RSF1: variants seen among roughly 807,000 people sequenced by gnomAD.
RSF1 encodes HBV pX-associated protein 8.
A neutral mutation model predicts 145.2 loss-of-function variants in RSF1; 13 were observed. That is an observed-to-expected ratio of 0.09 (90% CI 0.06 to 0.14). RSF1 has a LOEUF of 0.14. Ranked by LOEUF, RSF1 falls within the 10% of genes least tolerant of loss-of-function variation. The pLI, the probability that RSF1 is intolerant of heterozygous loss-of-function variation, is 1.00. For synonymous variants in RSF1, 577 were observed against 592.6 expected, an observed-to-expected ratio of 0.97 and a Z score of 0.38; for missense variants, 1,517 against 1,718.2, an observed-to-expected ratio of 0.88 and a Z score of 2.07.
chr11:77,776,682 CTTAT>C (rs1218990511), intron 1 of RSF1, among the ~76,000 whole-genome samples: 2 of 152,092 alleles, frequency 1.3e-5, no homozygotes, highest in Admixed American at 1.3e-4. Context: ...ATTCTGACAC[CTTAT>C]TTGAGGGCTA....
In RSF1 at chr11:77,745,635, A is replaced by G. The variant is rs188073893; in HGVS notation, c.372+1401T>C. Among the ~76,000 whole-genome samples the G allele has an allele frequency of 7.9e-5, 12 of 151,682 alleles. No homozygotes were observed. In the Admixed American group the frequency reaches 7.9e-4, roughly 10 times the overall value. The stretch of plus-strand genomic sequence containing the variant: ...ATCTATTTTTGAAAGCCTGAGACAT[A>G]TGCAGTTTTCAAGGAAGGTAGATTT... On this transcript the variant is annotated intron_variant, in intron 3 of 15. Coordinates refer to ENST00000308488, the MANE Select transcript of RSF1 (RefSeq NM_016578.4).
At chr11:77,760,457 A>C (rs1157183853) in intron 2 of RSF1, among the ~76,000 whole-genome samples, 1 of 152,218 alleles carries the variant, frequency 6.6e-6, no homozygotes, top group Non-Finnish European at 1.5e-5. Flanking sequence ...CTTCTTACTG[A>C]GATGTTAGAA....
chr11:77,667,045 C>T lies in RSF1; in HGVS notation c.4198G>A (p.Ala1400Thr), dbSNP rs1364028793. 6.2e-7 allele frequency: 1 copy of T among 1,614,056 alleles called. No homozygotes were observed. Among genetic ancestry groups the T allele is most frequent in the Non-Finnish European group, 8.5e-7 (1 of 1,179,888 alleles). Residue 1400 changes from alanine to threonine, a missense_variant, in exon 16 of 16, where the codon GCC becomes ACC. Around this residue, in one of 12 missense-constraint regions of RSF1, gnomAD observed 240 missense variants for 231.8 expected, o/e 1.04. Coordinates refer to ENST00000308488, the MANE Select transcript of RSF1 (RefSeq NM_016578.4). ...CCATTGGAGGCTAGGCTTGCACTGGCTGTGCTGTTGTCCTTGGGGGTCTGA... is the reference window on the plus strand; with the variant it reads ...CCATTGGAGGCTAGGCTTGCACTGGTTGTGCTGTTGTCCTTGGGGGTCTGA... ...KSQTPKDNST[A>T]SASLASNGTS...
intron 5 of RSF1, among the ~76,000 whole-genome samples, chr11:77,706,054 C>T (rs1565155010): frequency 6.6e-6 from 1 of 151,974 alleles, no homozygotes; most frequent in East Asian, 1.9e-4. Context: ...TCACAAAGGT[C>T]AACACGGTGA....
chr11:77,833,005 A>ATTT, the RSF1 span, among the ~76,000 whole-genome samples: 86 of 65,746 alleles, frequency 1.3e-3, 11 homozygotes, highest in African/African-American at 5.8e-3. Flanking sequence ...GTGTATATAT[A>ATTT]TATATTTTTT....
chr11:77,719,716 A>G (rs1960900896), intron 5 of RSF1, among the ~76,000 whole-genome samples: 1 of 152,262 alleles, frequency 6.6e-6, no homozygotes. Context: ...GTGAACAGAT[A>G]AATAAAATGT....
In RSF1 at chr11:77,666,383, G is replaced by A. The variant is rs901739506; in HGVS notation, c.*534C>T. ...CATTTCACAAAGGCTGTTACTAAAT[G>A]ACTTATGTATGATGTTATCTACAAT... On this transcript the variant is annotated 3_prime_UTR_variant, in exon 16 of 16. Coordinates refer to ENST00000308488, the MANE Select transcript of RSF1 (RefSeq NM_016578.4). The A allele has an allele frequency of 6.6e-6, 1 of 152,462 alleles. No individual in the cohort carries two copies. Among genetic ancestry groups the A allele is most frequent in the Non-Finnish European group, 1.5e-5 (1 of 68,014 alleles). 9.4% of individuals were successfully genotyped at this position (152,462 alleles called of 1,614,324 possible).
intron 1 of RSF1, among the ~76,000 whole-genome samples, chr11:77,803,335 A>T (rs889510319): frequency 1.3e-5 from 2 of 151,648 alleles, no homozygotes; most frequent in African/African-American, 4.8e-5. Context: ...TTTTGTAGAG[A>T]CAGGTTTCAA....
Position 77,672,004 on chromosome 11 carries a change from CT to C in RSF1, c.3751+37del, listed in dbSNP as rs780776683. The C allele has an allele frequency of 3.3e-6, 5 of 1,526,188 alleles. No homozygotes were observed. In the African/African-American group the frequency reaches 7.0e-5, roughly 21 times the overall value. The allele number at this position is 1,526,188 out of a possible 1,614,324, so 94.5% of individuals were successfully genotyped here. ...TTCACTTTATAATGTCTATTTTGCC[CT>C]GTCCAAACTTCTATATATAGGAGAC... On this transcript the variant is annotated intron_variant, in intron 15 of 15. Coordinates refer to ENST00000308488, the MANE Select transcript of RSF1 (RefSeq NM_016578.4).
chr11:77,721,041 CTGAGT>C (rs1233241566), intron 5 of RSF1, among the ~76,000 whole-genome samples: 23 of 151,786 alleles, frequency 1.5e-4, no homozygotes, highest in Admixed American at 9.8e-4. Context: ...ACTTATCTTA[CTGAGT>C]TAAGATACAA....
intron 1 of RSF1, among the ~76,000 whole-genome samples, chr11:77,788,184 G>GAA (rs1320936448): frequency 1.4e-5 from 1 of 69,104 alleles, no homozygotes; most frequent in Non-Finnish European, 3.4e-5. Flanking sequence ...AAAATTAGGG[G>GAA]TAAAAAAAAA....
intron 1 of RSF1, among the ~76,000 whole-genome samples, chr11:77,791,389 G>A (rs936169209): frequency 8.5e-5 from 13 of 152,108 alleles, no homozygotes; most frequent in Non-Finnish European, 1.6e-4. Flanking sequence ...ATGGGATGCC[G>A]TGAAGACCTC....
At chr11:77,749,117 A>C (rs1948033461) in intron 2 of RSF1, among the ~76,000 whole-genome samples, 1 of 152,254 alleles carries the variant, frequency 6.6e-6, no homozygotes, top group African/African-American at 2.4e-5. Context: ...ATCCATACAG[A>C]TAAAAGTAGA....
In RSF1 at chr11:77,701,495, G is replaced by A; in HGVS notation, c.1734C>T (p.Arg578=). The A allele has an allele frequency of 6.2e-7, 1 of 1,613,946 alleles. No homozygotes were observed. The highest frequency in any genetic ancestry group is 8.5e-7 in the Non-Finnish European group (1 of 1,179,974). The change falls in exon 6 of 16, where the codon CGC becomes CGT. Residue 578 remains arginine (R), a synonymous_variant. Coordinates refer to ENST00000308488, the MANE Select transcript of RSF1 (RefSeq NM_016578.4). Reference sequence around the variant, plus strand: ...TTTCAAGACATTCTAGGATTGGTGGGCGCTTATCCTTCTTAGTTTTGGGAG... The same window carrying A: ...TTTCAAGACATTCTAGGATTGGTGGACGCTTATCCTTCTTAGTTTTGGGAG... The part of the protein sequence containing the change: ...EKSPKTKKDK[R]PPILECLEKL...
upstream of RSF1, among the ~76,000 whole-genome samples, chr11:77,825,056 C>T (rs1949105406): frequency 2.0e-5 from 3 of 152,206 alleles, no homozygotes; most frequent in Admixed American, 6.5e-5. Context: ...TCTCAGCTCA[C>T]TGCATGCTCC....
the RSF1 span, chr11:77,841,345 A>C: frequency 1.6e-6 from 1 of 629,528 alleles, no homozygotes; most frequent in Non-Finnish European, 2.9e-6. Context: ...ATATGTGTCT[A>C]CTTTAGTCTC....
chr11:77,696,607 A>T (rs7130719), intron 7 of RSF1, among the ~76,000 whole-genome samples: 112,423 of 152,152 alleles, frequency 0.74, 42,198 homozygotes, highest in African/African-American at 0.88. Flanking sequence ...TACAGCAGCC[A>T]TTGCTGCCTT....
At chr11:77,804,879 T>C (rs980934399) in intron 1 of RSF1, among the ~76,000 whole-genome samples, 4 of 152,186 alleles carry the variant, frequency 2.6e-5, no homozygotes, top group African/African-American at 9.7e-5. Context: ...CAAGTCAAAT[T>C]ATATTTCTTC....
chr11:77,792,933 T>C lies in RSF1; in HGVS notation c.187+27595A>G, dbSNP rs541524256. Reference sequence around the variant, plus strand: ...GGAAGTCAAAGGATGATATTTACCATTGTGAAAACACACAAAAGTATAAAA... The same window carrying C: ...GGAAGTCAAAGGATGATATTTACCACTGTGAAAACACACAAAAGTATAAAA... On this transcript the variant is annotated intron_variant, in intron 1 of 15. Coordinates refer to ENST00000308488, the MANE Select transcript of RSF1 (RefSeq NM_016578.4). Among the ~76,000 whole-genome samples, 17 of 152,214 alleles carry C rather than the reference T, an allele frequency of 1.1e-4. No individual in the cohort carries two copies. The South Asian group carries it at 1.9e-3, about 17-fold the overall frequency.
Sources: gnomAD v4.1 joint callset for allele counts (sites outside exome capture counted in the v4.1 genomes callset) on GRCh38, gnomAD v4.1.1 for gene constraint, gnomAD v4.1.1 regional missense constraint, MANE v1.5 for transcripts, NCBI Gene and HGNC (gene_info 2026-07-23, HGNC 2026-07-21) for gene names.